Variants in TAB2 observed in about 807,000 individuals in gnomAD.
TAB2 encodes the protein TGF-beta activated kinase 1 (MAP3K7) binding protein 2.
Under a neutral mutation model 65.0 loss-of-function variants are expected in TAB2, and 3 were observed. The observed-to-expected ratio is 0.05, with a 90% confidence interval of 0.02 to 0.12. TAB2 has a LOEUF of 0.12. Ranked by LOEUF, TAB2 falls within the 10% of genes least tolerant of loss-of-function variation. The pLI is 1.00. For missense variants in TAB2, 623 were observed against 840.3 expected (o/e 0.74, Z 3.20); for synonymous variants, 298 against 285.1 (o/e 1.05, Z -0.46).
chr6:149,309,280 A>ATACTTTACATG (rs1271878681), intron 1 of TAB2, among the ~76,000 whole-genome samples: 3 of 152,136 alleles, frequency 2.0e-5, no homozygotes, highest in African/African-American at 7.2e-5. Flanking sequence ...TGTTTTACAT[A>ATACTTTACATG]TGCTTTACAT....
intron 6 of TAB2, among the ~76,000 whole-genome samples, chr6:149,408,319 A>G (rs1423252187): frequency 2.6e-5 from 4 of 152,300 alleles, no homozygotes; most frequent in Admixed American, 1.3e-4. Context: ...ACACCATTCA[A>G]GTTGGTTGTG....
chr6:149,220,492 G>T (rs1204072967), intron 1 of TAB2, among the ~76,000 whole-genome samples: 1 of 152,120 alleles, frequency 6.6e-6, no homozygotes, highest in African/African-American at 2.4e-5. Flanking sequence ...CCAAATGTTG[G>T]CATATTGTAT....
chr6:149,258,103 G>A (rs1778077494), intron 1 of TAB2, among the ~76,000 whole-genome samples: 1 of 152,140 alleles, frequency 6.6e-6, no homozygotes, highest in Non-Finnish European at 1.5e-5. Flanking sequence ...ATGCGGCCTG[G>A]GATTTGCCCC....
chr6:149,258,183 C>G (rs558733858), intron 1 of TAB2, among the ~76,000 whole-genome samples: 4 of 152,206 alleles, frequency 2.6e-5, no homozygotes, highest in African/African-American at 9.6e-5. Flanking sequence ...TGCACATGAA[C>G]CGAAGGCAGT....
intron 1 of TAB2, among the ~76,000 whole-genome samples, chr6:149,351,356 T>G (rs1780484130): frequency 6.6e-6 from 1 of 152,192 alleles, no homozygotes. Flanking sequence ...TTTGTTCCTT[T>G]GCACTTCGTG....
At chr6:149,225,321 G>A (rs1282402222) in intron 1 of TAB2, among the ~76,000 whole-genome samples, 5 of 151,554 alleles carry the variant, frequency 3.3e-5, no homozygotes, top group Non-Finnish European at 1.5e-5. Context: ...TTGTACATCA[G>A]ATAATTGGAA....
chr6:149,320,167 C>G (rs1047135595), intron 1 of TAB2, among the ~76,000 whole-genome samples: 9 of 152,196 alleles, frequency 5.9e-5, no homozygotes, highest in African/African-American at 2.2e-4. Context: ...ACCTCTGCCT[C>G]CCGGGTTCAA....
At chr6:149,288,677 C>A (rs998124224) in intron 1 of TAB2, among the ~76,000 whole-genome samples, 23 of 152,064 alleles carry the variant, frequency 1.5e-4, no homozygotes, top group South Asian at 1.4e-3. Context: ...AAGTACTAAG[C>A]AATACTTGAT....
chr6:149,317,356 G>A (rs1779281065), upstream of TAB2, among the ~76,000 whole-genome samples: 1 of 151,766 alleles, frequency 6.6e-6, no homozygotes, highest in Admixed American at 6.5e-5. This position sits in a 1 kb window ranked among gnomAD's most constrained non-coding sequence, Gnocchi z 4.7. Context: ...CAGGCGTAGA[G>A]ACTGCGAGTG....
intron 6 of TAB2, among the ~76,000 whole-genome samples, chr6:149,401,987 CAAT>C (rs1782437559): frequency 7.4e-6 from 1 of 134,642 alleles, no homozygotes; most frequent in African/African-American, 2.8e-5. Context: ...TAGAGATAAA[CAAT>C]ACTACATTAA....
chr6:149,335,461 G>A (rs1372684317), intron 1 of TAB2, among the ~76,000 whole-genome samples: 1 of 151,824 alleles, frequency 6.6e-6, no homozygotes, highest in East Asian at 1.9e-4. Flanking sequence ...TAACTTCCTG[G>A]GCTCAGCCTT....
intron 1 of TAB2, chr6:149,245,341 T>C (rs190356886): frequency 1.3e-5 from 2 of 152,196 alleles, no homozygotes; most frequent in Admixed American, 1.3e-4. Flanking sequence ...CAAATCACTA[T>C]GGTGTGCTGT....
chr6:149,372,736 A>G (rs1481796991), intron 2 of TAB2, among the ~76,000 whole-genome samples: 1 of 152,208 alleles, frequency 6.6e-6, no homozygotes, highest in Non-Finnish European at 1.5e-5. Context: ...AGCTGATATA[A>G]CAAGAAATCT....
chr6:149,305,215 A>T (rs1429499159), intron 1 of TAB2, among the ~76,000 whole-genome samples: 2 of 152,176 alleles, frequency 1.3e-5, no homozygotes, highest in Non-Finnish European at 2.9e-5. Context: ...TTGTTTTGTC[A>T]TGGATAGAAT....
At chr6:149,318,765 C>CA (rs1408844610) in intron 1 of TAB2, 8 of 152,248 alleles carry the variant, frequency 5.3e-5, no homozygotes, top group Non-Finnish European at 1.2e-4. Flanking sequence ...AGTCGTACAC[C>CA]AAAGTGTCAG....
At chr6:149,325,789 G>A (rs950695372) in intron 1 of TAB2, among the ~76,000 whole-genome samples, 2 of 152,202 alleles carry the variant, frequency 1.3e-5, no homozygotes, top group Non-Finnish European at 2.9e-5. Context: ...GCCCAGGCTG[G>A]AATGCAGTGG....
At chr6:149,313,741 C>T (rs1202235785), upstream of TAB2, among the ~76,000 whole-genome samples, 1 of 152,154 alleles carries the variant, frequency 6.6e-6, no homozygotes, top group Non-Finnish European at 1.5e-5. Context: ...TCTTTGACTC[C>T]CTGACACTTG....
chr6:149,398,182 G>A, intron 5 of TAB2, 120 bp downstream of exon 5: 3 of 840,090 alleles, frequency 3.6e-6, no homozygotes, highest in Non-Finnish European at 5.9e-6. Flanking sequence ...TGGCTTTGGA[G>A]CCAGACAGAC....
chr6:149,324,654 T>C (rs1401737331), intron 1 of TAB2, among the ~76,000 whole-genome samples: 1 of 152,026 alleles, frequency 6.6e-6, no homozygotes, highest in Non-Finnish European at 1.5e-5. Flanking sequence ...GAAAAATACT[T>C]GCTAATGCAG....
Sources: gnomAD v4.1 joint callset for allele counts (sites outside exome capture counted in the v4.1 genomes callset) on GRCh38, gnomAD v4.1.1 for gene constraint, Gnocchi (gnomAD v3.1) non-coding constraint, MANE v1.5 for transcripts, NCBI Gene and HGNC (gene_info 2026-07-23, HGNC 2026-07-21) for gene names.